Variants in PATJ observed in about 807,000 individuals in gnomAD.
PATJ encodes PATJ crumbs cell polarity complex component.
PATJ carries 190 observed loss-of-function variants against 224.9 expected under a neutral mutation model. That is an observed-to-expected ratio of 0.84 (90% CI 0.75 to 0.95). The LOEUF is 0.95. Ranked by LOEUF, PATJ falls within the 40% of genes least tolerant of loss-of-function variation. PATJ has a pLI of 0.00. For synonymous variants in PATJ, 769 were observed against 820.3 expected (o/e 0.94, Z 1.07); for missense variants, 2,121 against 2,270.3 (o/e 0.93, Z 1.34).
rs1553268231 is a variant in PATJ, at chr1:62,106,063, A to ATATAT, written c.4378-2374_4378-2373insTATAT. Among the ~76,000 whole-genome samples, 130 of 39,650 alleles carry ATATAT rather than the reference A, an allele frequency of 3.3e-3. 4 individuals carry two copies. The highest frequency in any genetic ancestry group is 8.9e-3 in the South Asian group (6 of 672). 26.0% of individuals were successfully genotyped at this position (39,650 alleles called of 152,430 possible). ...CTCCTCTTAAAAAAAAAAAAAAAAA[A>ATATAT]ATATATATATATATATACACACACA... On this transcript the variant is annotated intron_variant, in intron 33 of 43. Transcript: ENST00000642238.
At chr1:61,849,485 C>G (rs1175955008) in intron 17 of PATJ, among the ~76,000 whole-genome samples, 1 of 151,976 alleles carries the variant, frequency 6.6e-6, no homozygotes, top group Non-Finnish European at 1.5e-5. Context: ...CCCAGCTACT[C>G]AGGAGGCTGA....
chr1:61,825,993 G>A (rs983877389), intron 15 of PATJ, among the ~76,000 whole-genome samples: 1 of 152,154 alleles, frequency 6.6e-6, no homozygotes, highest in African/African-American at 2.4e-5. Context: ...CTCTTCTTGT[G>A]TAAAGGTTGA....
At chr1:62,094,783 C>A (rs528715524) in intron 33 of PATJ, among the ~76,000 whole-genome samples, 2 of 152,124 alleles carry the variant, frequency 1.3e-5, no homozygotes, top group African/African-American at 2.4e-5. Flanking sequence ...GATCCATTTT[C>A]TTCCTTCTTG....
At chr1:61,920,702 CTTTTTTTT>C (rs71582652) in intron 26 of PATJ, among the ~76,000 whole-genome samples, 4 of 89,508 alleles carry the variant, frequency 4.5e-5, no homozygotes, top group Non-Finnish European at 8.3e-5. Context: ...GTATGGAATT[CTTTTTTTT>C]TTTTTTTTTT....
intron 17 of PATJ, among the ~76,000 whole-genome samples, chr1:61,849,959 A>G (rs1662554343): frequency 6.6e-6 from 1 of 152,172 alleles, no homozygotes; most frequent in Non-Finnish European, 1.5e-5. Context: ...TCCTGTTCTT[A>G]TTTCCTAAAT....
chr1:61,886,799 A>G (rs28455831), intron 22 of PATJ, among the ~76,000 whole-genome samples: 49,301 of 113,100 alleles, frequency 0.44, 11,806 homozygotes, highest in Non-Finnish European at 0.53. Flanking sequence ...CAGCCTGGGC[A>G]ACAGAGCAAG....
chr1:61,920,404 T>C (rs1010431885), intron 26 of PATJ, among the ~76,000 whole-genome samples: 1 of 152,148 alleles, frequency 6.6e-6, no homozygotes, highest in Non-Finnish European at 1.5e-5. Context: ...GCACAAGCTC[T>C]CTCTCTTTGC....
chr1:62,013,385 C>T (rs1220231389), intron 28 of PATJ: 1 of 985,218 alleles, frequency 1.0e-6, no homozygotes, highest in East Asian at 1.1e-4. Flanking sequence ...AGCCTACTCG[C>T]AGTTGATTAA....
chr1:61,879,342 A>G (rs1268685931), intron 21 of PATJ, among the ~76,000 whole-genome samples: 1 of 152,140 alleles, frequency 6.6e-6, no homozygotes, highest in African/African-American at 2.4e-5. Context: ...CATTCCAGGA[A>G]ATTGGGAAGG....
chr1:61,938,725 T>TA (rs1677277657), intron 27 of PATJ, among the ~76,000 whole-genome samples: 1 of 152,054 alleles, frequency 6.6e-6, no homozygotes, highest in African/African-American at 2.4e-5. Flanking sequence ...ACTGCAGGAA[T>TA]AAAATCAGTT....
At chr1:61,882,426 A>G (rs1668231458) in intron 21 of PATJ, among the ~76,000 whole-genome samples, 1 of 152,210 alleles carries the variant, frequency 6.6e-6, no homozygotes, top group African/African-American at 2.4e-5. Context: ...GATAATGCAG[A>G]TAAACAAAAA....
intron 31 of PATJ, among the ~76,000 whole-genome samples, chr1:62,059,518 G>A (rs1044217397): frequency 3.9e-5 from 6 of 152,022 alleles, no homozygotes; most frequent in Non-Finnish European, 8.8e-5. Context: ...TCGGGAGGCT[G>A]AGGCAGGAGA....
chr1:62,128,902 T>C lies in PATJ; in HGVS notation c.5228T>C (p.Val1743Ala), dbSNP rs756267170. 1.2e-6 allele frequency: 2 copies of C among 1,613,482 alleles called. No individual in the cohort carries two copies. The highest frequency in any genetic ancestry group is 8.5e-7 in the Non-Finnish European group (1 of 1,179,476). The change falls in exon 41 of 44, where the codon GTG becomes GCG. Residue 1743 changes from valine (V) to alanine (A), a missense_variant. Coordinates refer to ENST00000642238, the MANE Select transcript of PATJ (RefSeq NM_001350145.3). ...TTGGATGGGCTGTCTCACGCGGATG[T>C]GGTTAATCTGCTGAAGAACGCCTAC... ...QPLDGLSHAD[V>A]VNLLKNAYGR...
chr1:62,137,728 CTG>C (rs1182082923), intron 41 of PATJ, among the ~76,000 whole-genome samples: 1 of 151,766 alleles, frequency 6.6e-6, no homozygotes, highest in African/African-American at 2.4e-5. Context: ...GCAGGCTTGT[CTG>C]TTCTTCCACA....
chr1:61,943,313 T>C (rs1427568408), intron 27 of PATJ, among the ~76,000 whole-genome samples: 1 of 152,084 alleles, frequency 6.6e-6, no homozygotes, highest in African/African-American at 2.4e-5. Flanking sequence ...ACCCAGGAAG[T>C]GCGAGGGGTC....
At chr1:61,808,446 A>G (rs543984048) in intron 13 of PATJ, 28 bp from the exon 14 acceptor site, 27 of 1,454,688 alleles carry the variant, frequency 1.9e-5, no homozygotes, top group Non-Finnish European at 2.6e-5. Context: ...GCTTTTACAA[A>G]TACTGGAAAT....
intron 15 of PATJ, among the ~76,000 whole-genome samples, chr1:61,824,367 C>CT (rs35999250): frequency 4.5e-3 from 610 of 134,968 alleles, no homozygotes; most frequent in African/African-American, 5.9e-3. Context: ...ACCCGGTCCA[C>CT]TTTTTTTTTT....
At chr1:61,769,091 C>T (rs1375522809) in intron 4 of PATJ, among the ~76,000 whole-genome samples, 192 bp from the exon 5 acceptor site, 2 of 152,158 alleles carry the variant, frequency 1.3e-5, no homozygotes, top group Non-Finnish European at 2.9e-5. Context: ...CAGAACACTG[C>T]ACACACTCTC....
At chr1:61,871,403 G>GTATATATGTGTA (rs1553185885) in intron 20 of PATJ, among the ~76,000 whole-genome samples, 3 of 43,984 alleles carry the variant, frequency 6.8e-5, no homozygotes, top group Admixed American at 2.4e-4. Flanking sequence ...ATATATATGT[G>GTATATATGTGTA]TATATATATA....
Sources: gnomAD v4.1 joint callset for allele counts (sites outside exome capture counted in the v4.1 genomes callset) on GRCh38, gnomAD v4.1.1 for gene constraint, MANE v1.5 for transcripts, NCBI Gene and HGNC (gene_info 2026-07-23, HGNC 2026-07-21) for gene names.